The following CTNNA3 variants were observed in gnomAD, a reference collection of about 807,000 sequenced individuals.
The protein encoded by CTNNA3 is catenin alpha 3.
A neutral mutation model predicts 95.7 loss-of-function variants in CTNNA3; 76 were observed. The observed-to-expected ratio is 0.79, with a 90% CI of 0.66 to 0.96. The LOEUF (loss-of-function observed/expected upper bound fraction) is 0.96, where lower values mean the gene tolerates loss of function less well. Ranked by LOEUF, CTNNA3 falls within the 40% of genes least tolerant of loss-of-function variation. The pLI is 0.00. For missense variants in CTNNA3, 1,191 were observed against 1,089.8 expected (o/e 1.09, Z -1.31); for synonymous variants, 431 against 374.4 (o/e 1.15, Z -1.74).
chr10:66,136,159 T>C (rs4489638), intron 13 of CTNNA3, among the ~76,000 whole-genome samples: 126,127 of 152,122 alleles, frequency 0.83, 52,464 homozygotes, highest in South Asian at 0.92. Flanking sequence ...TTCTCGGCCT[T>C]CCAAAGTGCT....
rs4426046 is a variant in CTNNA3, at chr10:67,440,817, T to C, written c.579+81025A>G. Among the ~76,000 whole-genome samples, 4,002 of 152,002 alleles carry C rather than the reference T, an allele frequency of 0.026. 373 individuals are homozygous for C. The East Asian group carries it at 0.34, about 13-fold the overall frequency. On this transcript the variant is annotated intron_variant, in intron 5 of 17. Coordinates refer to ENST00000433211, the MANE Select transcript of CTNNA3 (RefSeq NM_013266.4). The stretch of plus-strand genomic sequence containing the variant: ...TCCCTTCAAATACCTGGGAAGCCTT[T>C]CCAAGAAAGATGGGCACAAACAAGC...
intron 7 of CTNNA3, among the ~76,000 whole-genome samples, chr10:66,788,081 A>G (rs781490928): frequency 1.3e-5 from 2 of 152,190 alleles, no homozygotes; most frequent in African/African-American, 4.8e-5. Context: ...TCTATGTTTC[A>G]TTATTAATTA....
chr10:66,651,761 C>T (rs1015078030), intron 9 of CTNNA3, among the ~76,000 whole-genome samples: 5 of 152,252 alleles, frequency 3.3e-5, no homozygotes, highest in East Asian at 1.9e-4. Context: ...GCTCCGAGTG[C>T]GGGGCCAGCC....
chr10:67,580,296 CATTT>C (rs1319166621), intron 3 of CTNNA3, among the ~76,000 whole-genome samples: 2 of 152,130 alleles, frequency 1.3e-5, no homozygotes, highest in Non-Finnish European at 2.9e-5. Flanking sequence ...TTCCCAGCAC[CATTT>C]ATTAAATAAG....
chr10:67,109,488 A>C (rs1012398843), intron 7 of CTNNA3, among the ~76,000 whole-genome samples: 1 of 152,212 alleles, frequency 6.6e-6, no homozygotes, highest in African/African-American at 2.4e-5. Flanking sequence ...CATTAAGATG[A>C]ACCAAAGTAG....
chr10:67,695,237 T>C (rs547149568), intron 1 of CTNNA3, among the ~76,000 whole-genome samples: 1 of 152,348 alleles, frequency 6.6e-6, no homozygotes, highest in Admixed American at 6.5e-5. Flanking sequence ...AGTAGGCACA[T>C]ATCAGTGACT....
chr10:66,896,667 C>T (rs536728274), intron 7 of CTNNA3, among the ~76,000 whole-genome samples: 1 of 152,270 alleles, frequency 6.6e-6, no homozygotes, highest in South Asian at 2.1e-4. Flanking sequence ...CAGGCCACAC[C>T]CATAGTACAA....
At chr10:67,086,927 TTGTGACTACAATTTCC>T (rs2131895862) in intron 7 of CTNNA3, among the ~76,000 whole-genome samples, 1 of 152,124 alleles carries the variant, frequency 6.6e-6, no homozygotes, top group East Asian at 1.9e-4. Context: ...CAGTGGACTG[TTGTGACTACAATTTCC>T]AAGGGGATTA....
intron 3 of CTNNA3, among the ~76,000 whole-genome samples, chr10:67,551,535 C>T (rs1841033047): frequency 1.3e-5 from 2 of 152,202 alleles, no homozygotes; most frequent in African/African-American, 4.8e-5. Context: ...AGGCAGGGGT[C>T]TCATTGAGCT....
intron 1 of CTNNA3, among the ~76,000 whole-genome samples, chr10:67,682,287 A>T (rs1185058632): frequency 6.6e-6 from 1 of 151,824 alleles, no homozygotes; most frequent in East Asian, 1.9e-4. Flanking sequence ...AGATGGCACC[A>T]CTGCACTCTA....
chr10:67,479,498 G>A (rs1047805433), intron 5 of CTNNA3, among the ~76,000 whole-genome samples: 137 of 152,146 alleles, frequency 9.0e-4, no homozygotes, highest in African/African-American at 3.2e-3. Flanking sequence ...GCTTCTAAAT[G>A]ACTTTTGGGT....
intron 10 of CTNNA3, among the ~76,000 whole-genome samples, chr10:66,597,020 A>G (rs923992845): frequency 5.9e-5 from 9 of 152,216 alleles, no homozygotes; most frequent in Admixed American, 5.9e-4. Flanking sequence ...CAAATTCAGC[A>G]GAAGAATAAA....
chr10:67,602,967 G>A (rs1462554274), intron 3 of CTNNA3, among the ~76,000 whole-genome samples: 19 of 152,122 alleles, frequency 1.2e-4, no homozygotes, highest in South Asian at 4.1e-4. Context: ...TTTAACAAAC[G>A]TTTAACAGGT....
chr10:66,751,021 G>T (rs765476515), intron 9 of CTNNA3, among the ~76,000 whole-genome samples: 6 of 152,196 alleles, frequency 3.9e-5, no homozygotes, highest in Non-Finnish European at 5.9e-5. Context: ...TATAATCCCA[G>T]CACTTTGGGA....
intron 11 of CTNNA3, among the ~76,000 whole-genome samples, chr10:66,495,000 A>G (rs1185649052): frequency 6.6e-6 from 1 of 152,216 alleles, no homozygotes; most frequent in Non-Finnish European, 1.5e-5. Flanking sequence ...TGCGTATTGA[A>G]CGCAGAAAAT....
At chr10:66,143,371 T>C (rs1334093660) in intron 13 of CTNNA3, among the ~76,000 whole-genome samples, 1 of 152,162 alleles carries the variant, frequency 6.6e-6, no homozygotes, top group Admixed American at 6.5e-5. Context: ...TCCATAATTG[T>C]TTTTAAGTTT....
chr10:67,220,794 C>T (rs1864618037), intron 5 of CTNNA3, among the ~76,000 whole-genome samples: 1 of 152,050 alleles, frequency 6.6e-6, no homozygotes, highest in Non-Finnish European at 1.5e-5. Flanking sequence ...CCTACCTTAA[C>T]CAAGTGATGA....
intron 10 of CTNNA3, among the ~76,000 whole-genome samples, chr10:66,571,009 T>A (rs1397677559): frequency 6.6e-6 from 1 of 152,122 alleles, no homozygotes; most frequent in Non-Finnish European, 1.5e-5. Context: ...TTGGTACATG[T>A]TCCCAGTTGA....
intron 9 of CTNNA3, among the ~76,000 whole-genome samples, chr10:66,717,709 C>A (rs1466013839): frequency 6.6e-6 from 1 of 152,146 alleles, no homozygotes; most frequent in Non-Finnish European, 1.5e-5. Flanking sequence ...TTGCCAAGCT[C>A]CCAGCACAGT....
Sources: allele counts gnomAD v4.1 joint callset (sites outside exome capture counted in the v4.1 genomes callset), GRCh38; gene constraint gnomAD v4.1.1; transcripts MANE v1.5; gene names NCBI Gene and HGNC (gene_info 2026-07-23, HGNC 2026-07-21).